CNTN5: variants seen among roughly 807,000 people sequenced by gnomAD.
CNTN5 encodes contactin-5.
Under a neutral mutation model 129.1 loss-of-function variants are expected in CNTN5, and 77 were observed. The observed-to-expected ratio is 0.60, with a 90% CI of 0.50 to 0.72. The LOEUF is 0.72. Ranked by LOEUF, CNTN5 falls within the 30% of genes least tolerant of loss-of-function variation. The pLI is 0.00. For synonymous variants in CNTN5, 509 were observed against 465.6 expected (o/e 1.09, Z -1.20); for missense variants, 1,478 against 1,328.8 (o/e 1.11, Z -1.75).
At chr11:99,292,475 G>T (rs915787917) in intron 1 of CNTN5, among the ~76,000 whole-genome samples, 1 of 151,796 alleles carries the variant, frequency 6.6e-6, no homozygotes, top group Non-Finnish European at 1.5e-5. Flanking sequence ...TTCTCTTGTC[G>T]AATTGCTCTG....
At chr11:100,180,394 T>A (rs531187340) in intron 13 of CNTN5, among the ~76,000 whole-genome samples, 2 of 151,960 alleles carry the variant, frequency 1.3e-5, no homozygotes, top group South Asian at 4.2e-4. Flanking sequence ...GGTGCTAGAG[T>A]GATTTAATAT....
At chr11:99,417,636 G>T (rs1020660590) in intron 2 of CNTN5, among the ~76,000 whole-genome samples, 4 of 151,904 alleles carry the variant, frequency 2.6e-5, no homozygotes, top group Non-Finnish European at 5.9e-5. Flanking sequence ...AAAATAAAAG[G>T]CTGAGTTGAA....
chr11:100,148,329 A>C (rs192298044), intron 13 of CNTN5, among the ~76,000 whole-genome samples: 44 of 152,320 alleles, frequency 2.9e-4, no homozygotes, highest in African/African-American at 1.0e-3. Flanking sequence ...CTTCAAAAGG[A>C]GAGTTGCTCT....
chr11:99,214,127 C>T (rs1360458324), intron 1 of CNTN5, among the ~76,000 whole-genome samples: 1 of 151,830 alleles, frequency 6.6e-6, no homozygotes, highest in African/African-American at 2.4e-5. Context: ...CTGAAAGTGA[C>T]AATGAAAGAA....
At chr11:99,846,487 C>A (rs561079466) in intron 6 of CNTN5, among the ~76,000 whole-genome samples, 38 of 150,944 alleles carry the variant, frequency 2.5e-4, no homozygotes, top group African/African-American at 8.5e-4. Flanking sequence ...TAGGTAAAAC[C>A]TTTTATTATT....
intron 2 of CNTN5, among the ~76,000 whole-genome samples, chr11:99,405,227 T>G (rs371262855): frequency 6.6e-6 from 1 of 152,102 alleles, no homozygotes; most frequent in East Asian, 1.9e-4. Flanking sequence ...CTGCTTGGTG[T>G]TTTATAACCT....
chr11:99,560,784 T>C (rs1390073390), intron 3 of CNTN5, among the ~76,000 whole-genome samples: 1 of 152,136 alleles, frequency 6.6e-6, no homozygotes, highest in East Asian at 1.9e-4. Context: ...ACTAAGTCCA[T>C]GGAAGGCAGA....
At chr11:99,911,791 C>T (rs1023078165) in intron 6 of CNTN5, among the ~76,000 whole-genome samples, 3 of 151,492 alleles carry the variant, frequency 2.0e-5, no homozygotes, top group Admixed American at 6.6e-5. Context: ...AGTTTCTCTG[C>T]CAACTCTATT....
At chr11:99,522,066 A>C (rs1947295979) in intron 2 of CNTN5, among the ~76,000 whole-genome samples, 1 of 152,316 alleles carries the variant, frequency 6.6e-6, no homozygotes, top group East Asian at 1.9e-4. Context: ...CACAGAGGAA[A>C]ACTGGAAACT....
chr11:100,061,145 C>T, intron 9 of CNTN5, 67 bp from the exon 10 acceptor site: 3 of 1,294,916 alleles, frequency 2.3e-6, no homozygotes, highest in Admixed American at 4.0e-5. Context: ...CTTAAATTAC[C>T]AGATAACAGA....
chr11:99,296,189 T>A (rs1004000423), intron 1 of CNTN5, among the ~76,000 whole-genome samples: 1 of 152,170 alleles, frequency 6.6e-6, no homozygotes, highest in African/African-American at 2.4e-5. Context: ...ATCAAGGATG[T>A]CATCTTTTTC....
chr11:99,365,670 G>C (rs1939402948), intron 2 of CNTN5, among the ~76,000 whole-genome samples: 1 of 152,090 alleles, frequency 6.6e-6, no homozygotes, highest in Non-Finnish European at 1.5e-5. Flanking sequence ...ATAATATGCA[G>C]TAACTTTAAC....
rs544988825 is a variant in CNTN5, at chr11:99,590,881, A to T, written c.55+34612A>T. ...AAGTTGTTCAGAATATATTTTTTCC[A>T]AATATGTATAGAAATAAATATTTAC... On this transcript the variant is annotated intron_variant, in intron 3 of 24. Coordinates refer to ENST00000524871, the MANE Select transcript of CNTN5 (RefSeq NM_014361.4). Among the ~76,000 whole-genome samples the T allele has an allele frequency of 5.2e-5, 8 of 152,392 alleles. No individual in the cohort carries two copies. The South Asian group carries it at 1.7e-3, about 32-fold the overall frequency.
intron 15 of CNTN5, among the ~76,000 whole-genome samples, chr11:100,214,468 C>T (rs1033701925): frequency 6.6e-6 from 1 of 152,170 alleles, no homozygotes; most frequent in Non-Finnish European, 1.5e-5. Flanking sequence ...CAGTCTTCTT[C>T]CTGAAAATCT....
chr11:99,392,805 TAA>T (rs1394466339), intron 2 of CNTN5, among the ~76,000 whole-genome samples: 1 of 151,850 alleles, frequency 6.6e-6, no homozygotes, highest in Non-Finnish European at 1.5e-5. Context: ...AAAGAAAGAA[TAA>T]AGACATATTT....
intron 2 of CNTN5, among the ~76,000 whole-genome samples, chr11:99,335,880 C>G (rs1445536915): frequency 1.3e-5 from 2 of 152,006 alleles, no homozygotes; most frequent in African/African-American, 2.4e-5. Flanking sequence ...AGGAACAGTC[C>G]TCTATGCCTG....
At chr11:99,197,696 T>C (rs191404281) in intron 1 of CNTN5, among the ~76,000 whole-genome samples, 1 of 152,224 alleles carries the variant, frequency 6.6e-6, no homozygotes, top group African/African-American at 2.4e-5. Flanking sequence ...GTGTTTCCTA[T>C]ACCTTTGCTT....
chr11:99,612,495 T>C lies in CNTN5; in HGVS notation c.55+56226T>C, dbSNP rs187396932. Among the ~76,000 whole-genome samples the C allele has an allele frequency of 5.3e-5, 8 of 152,300 alleles. No homozygotes were observed. The East Asian group carries it at 1.2e-3, about 22-fold the overall frequency. On this transcript the variant is annotated intron_variant, in intron 3 of 24. Coordinates refer to ENST00000524871, the MANE Select transcript of CNTN5 (RefSeq NM_014361.4). ...ATGTAAAAACCCTATTGAATTCCCT[T>C]CCTAGTATATTGAACATCTATTATA...
At chr11:100,002,763 A>G (rs762434474) in intron 9 of CNTN5, among the ~76,000 whole-genome samples, 4 of 152,124 alleles carry the variant, frequency 2.6e-5, no homozygotes, top group Non-Finnish European at 5.9e-5. Context: ...TGTTTACAGT[A>G]TAGGTATTGA....
Sources: gnomAD v4.1 joint callset for allele counts (sites outside exome capture counted in the v4.1 genomes callset) on GRCh38, gnomAD v4.1.1 for gene constraint, MANE v1.5 for transcripts, NCBI Gene and HGNC (gene_info 2026-07-23, HGNC 2026-07-21) for gene names.